The following RORA variants were observed in gnomAD, a reference collection of about 807,000 sequenced individuals.
The protein encoded by RORA is nuclear receptor ROR-alpha.
RORA carries 7 observed loss-of-function variants against 69.5 expected under a neutral mutation model. The ratio of observed to expected loss-of-function variants is 0.10; its 90% CI spans 0.06 to 0.19. RORA has a LOEUF of 0.19. RORA is among the 10% of genes least tolerant of loss of function. The pLI, the probability that RORA is intolerant of heterozygous loss-of-function variation, is 1.00. For missense variants in RORA, 457 were observed against 663.0 expected (o/e 0.69, Z 3.41); for synonymous variants, 261 against 240.8 (o/e 1.08, Z -0.78).
chr15:60,591,569 C>T (rs1311449385), intron 2 of RORA, among the ~76,000 whole-genome samples: 3 of 152,082 alleles, frequency 2.0e-5, no homozygotes, highest in Non-Finnish European at 4.4e-5. Flanking sequence ...GGCCGGGCCG[C>T]CCGGCAGGAT....
intron 1 of RORA, among the ~76,000 whole-genome samples, chr15:60,885,324 C>A (rs956218817): frequency 6.6e-6 from 1 of 152,176 alleles, no homozygotes; most frequent in African/African-American, 2.4e-5. Context: ...ATGGAGTGTG[C>A]AGTTGAACCC....
At chr15:60,591,290 A>AAGCGGGCGGCGGGC (rs2077573092) in intron 2 of RORA, among the ~76,000 whole-genome samples, 2 of 151,804 alleles carry the variant, frequency 1.3e-5, no homozygotes, top group South Asian at 4.1e-4. Flanking sequence ...GCGGGCGCAC[A>AAGCGGGCGGCGGGC]AGCGGGCGGC....
At chr15:60,544,223 T>C (rs2066996233) in intron 2 of RORA, among the ~76,000 whole-genome samples, 1 of 152,180 alleles carries the variant, frequency 6.6e-6, no homozygotes, top group Non-Finnish European at 1.5e-5. Context: ...TGTATTACAC[T>C]GTGATGTGAA....
At chr15:60,701,782 G>C (rs2070985659) in intron 1 of RORA, among the ~76,000 whole-genome samples, 1 of 152,166 alleles carries the variant, frequency 6.6e-6, no homozygotes, top group South Asian at 2.1e-4. Flanking sequence ...ATGCTCACCA[G>C]TGACCTCAGA....
intron 1 of RORA, among the ~76,000 whole-genome samples, chr15:60,915,917 A>G (rs1247539330): frequency 6.6e-6 from 1 of 152,252 alleles, no homozygotes; most frequent in Admixed American, 6.5e-5. Flanking sequence ...TAAAGCACTT[A>G]GCACATTGCG....
At chr15:61,140,055 T>C (rs146908203) in intron 1 of RORA, among the ~76,000 whole-genome samples, 12 of 152,324 alleles carry the variant, frequency 7.9e-5, no homozygotes, top group African/African-American at 2.6e-4. Flanking sequence ...TAACCACTGG[T>C]GTGCATATAC....
At chr15:60,819,337 C>G (rs2072857650) in intron 1 of RORA, among the ~76,000 whole-genome samples, 1 of 152,184 alleles carries the variant, frequency 6.6e-6, no homozygotes, top group South Asian at 2.1e-4. Context: ...TATACAGACA[C>G]ACATCCGCTA....
rs1469783335 is a variant in RORA at position 60,878,196 on chromosome 15, T to TA, written c.167-199511dup. Among the ~76,000 whole-genome samples, 134 of 117,864 alleles carry TA rather than the reference T, an allele frequency of 1.1e-3. 1 individual carries two copies. The highest frequency in any genetic ancestry group is 2.8e-3 in the African/African-American group (98 of 34,564). 77.3% of individuals were successfully genotyped at this position (117,864 alleles called of 152,430 possible). A position where few individuals can be genotyped will look rare whatever the true frequency, so the allele number is the denominator to read the frequency against. On this transcript the variant is annotated intron_variant, in intron 1 of 10. Coordinates refer to ENST00000335670, the MANE Select transcript of RORA (RefSeq NM_134261.3). ...AAAAAAAAAAAAAAAAAAAAAAAAT[T>TA]AGCCAGGCGTAGTGGCGGGTGCCTG...
At chr15:61,084,449 G>C (rs1273940777) in intron 1 of RORA, among the ~76,000 whole-genome samples, 3 of 152,182 alleles carry the variant, frequency 2.0e-5, no homozygotes, top group Admixed American at 2.0e-4. Flanking sequence ...ATAATTACAA[G>C]AGATGGATAA....
At chr15:61,067,389 C>T (rs2078278660) in intron 1 of RORA, among the ~76,000 whole-genome samples, 1 of 152,130 alleles carries the variant, frequency 6.6e-6, no homozygotes, top group African/African-American at 2.4e-5. Flanking sequence ...CAGGTGTGAA[C>T]TACTGTACCT....
chr15:60,610,016 C>T (rs555728946), intron 2 of RORA, among the ~76,000 whole-genome samples: 4 of 152,134 alleles, frequency 2.6e-5, no homozygotes, highest in Admixed American at 2.0e-4. Flanking sequence ...CTCGAGAGAG[C>T]CGTTTGAAGC....
chr15:61,030,557 GT>G (rs2140440176), intron 1 of RORA, among the ~76,000 whole-genome samples: 1 of 152,320 alleles, frequency 6.6e-6, no homozygotes, highest in African/African-American at 2.4e-5. Flanking sequence ...AGAAGGAAGA[GT>G]TGAAGCACAG....
chr15:61,052,612 C>T (rs1252714325), intron 1 of RORA, among the ~76,000 whole-genome samples: 1 of 152,206 alleles, frequency 6.6e-6, no homozygotes, highest in Non-Finnish European at 1.5e-5. Context: ...CCTGTTTCTA[C>T]ACATCACCAA....
chr15:60,844,546 T>G (rs1330363002), intron 1 of RORA, among the ~76,000 whole-genome samples: 1 of 152,150 alleles, frequency 6.6e-6, no homozygotes, highest in Admixed American at 6.5e-5. Context: ...CACACTTGTA[T>G]GCATGCACAC....
chr15:61,048,175 T>C (rs1897125723), intron 1 of RORA, among the ~76,000 whole-genome samples: 1 of 152,234 alleles, frequency 6.6e-6, no homozygotes, highest in Admixed American at 6.5e-5. Flanking sequence ...AACTAAATAA[T>C]ATCAACAATA....
chr15:60,692,759 G>C (rs543832848), intron 1 of RORA, among the ~76,000 whole-genome samples: 2 of 152,230 alleles, frequency 1.3e-5, no homozygotes, highest in Admixed American at 1.3e-4. Context: ...GCCAGTAAGG[G>C]CTGGCTGGAA....
At chr15:60,810,623 CT>C (rs2072730443) in intron 1 of RORA, among the ~76,000 whole-genome samples, 1 of 151,858 alleles carries the variant, frequency 6.6e-6, no homozygotes, top group Non-Finnish European at 1.5e-5. Context: ...TTGAGTATTC[CT>C]TTTTTTAGAA....
intron 6 of RORA, among the ~76,000 whole-genome samples, chr15:60,504,472 G>A (rs767015709): frequency 2.5e-4 from 38 of 152,188 alleles, no homozygotes; most frequent in East Asian, 1.7e-3. Flanking sequence ...ACTTGAACCC[G>A]GGAGGCGGAG....
Position 60,945,712 on chromosome 15 carries a change from T to G in RORA, c.167-267026A>C, listed in dbSNP as rs1892850322. Reference sequence around the variant, plus strand: ...TTGGTTCACTCAAGGGGCACTTTTTTGGCAAACCCAAGGCAACTCACAATG... The same window carrying G: ...TTGGTTCACTCAAGGGGCACTTTTTGGGCAAACCCAAGGCAACTCACAATG... On this transcript the variant is annotated intron_variant, in intron 1 of 10. Coordinates refer to ENST00000335670, the MANE Select transcript of RORA (RefSeq NM_134261.3). Among the ~76,000 whole-genome samples the G allele has an allele frequency of 2.6e-5, 4 of 152,176 alleles. No homozygotes were observed. In the South Asian group the frequency reaches 8.3e-4, roughly 32 times the overall value.
Sources: gnomAD v4.1 joint callset for allele counts (sites outside exome capture counted in the v4.1 genomes callset) on GRCh38, gnomAD v4.1.1 for gene constraint, MANE v1.5 for transcripts, NCBI Gene and HGNC (gene_info 2026-07-23, HGNC 2026-07-21) for gene names.